PAX5: variants seen among roughly 807,000 people sequenced by gnomAD.
PAX5 encodes the protein paired box protein Pax-5.
A neutral mutation model predicts 43.7 loss-of-function variants in PAX5; 9 were observed. The ratio of observed to expected loss-of-function variants is 0.21; its 90% CI spans 0.12 to 0.36. The LOEUF is 0.36. Among genes scored for constraint, PAX5 ranks in the 10% least tolerant of loss-of-function variants. The pLI, the probability that PAX5 is intolerant of heterozygous loss-of-function variation, is 1.00. For synonymous variants in PAX5, 228 were observed against 214.3 expected (o/e 1.06, Z -0.56); for missense variants, 383 against 532.7 (o/e 0.72, Z 2.77).
At chr9:36,917,214 T>C (rs1829795034) in intron 7 of PAX5, among the ~76,000 whole-genome samples, 1 of 152,200 alleles carries the variant, frequency 6.6e-6, no homozygotes. Flanking sequence ...GACTTCCTGC[T>C]TGGGCCTAAC....
At chr9:36,968,878 C>A (rs958033535) in intron 5 of PAX5, among the ~76,000 whole-genome samples, 12 of 152,302 alleles carry the variant, frequency 7.9e-5, no homozygotes, top group African/African-American at 2.9e-4. Flanking sequence ...TCAGCACCCA[C>A]CAAATGATCC....
At chr9:37,027,776 A>C (rs571014702) in intron 1 of PAX5, among the ~76,000 whole-genome samples, 70 of 152,342 alleles carry the variant, frequency 4.6e-4, no homozygotes, top group African/African-American at 1.6e-3. Context: ...ACGCTCCACC[A>C]AGCCAATCAG....
At chr9:36,895,436 G>A (rs896770346) in intron 7 of PAX5, among the ~76,000 whole-genome samples, 8 of 152,164 alleles carry the variant, frequency 5.3e-5, no homozygotes, top group East Asian at 3.8e-4. Flanking sequence ...TCAGCCTAGC[G>A]GTGAAGGGCA....
chr9:36,992,101 G>A (rs991709700), intron 5 of PAX5, among the ~76,000 whole-genome samples: 8 of 151,334 alleles, frequency 5.3e-5, no homozygotes, highest in Non-Finnish European at 8.8e-5. Context: ...AAACACATGC[G>A]GGCACACACA....
chr9:37,008,595 T>G (rs772430213), intron 3 of PAX5, among the ~76,000 whole-genome samples: 2 of 152,234 alleles, frequency 1.3e-5, no homozygotes, highest in Non-Finnish European at 2.9e-5. Flanking sequence ...GTCCGTGTCC[T>G]CAGCTGATAG....
At chr9:36,988,128 G>A (rs2132312434) in intron 5 of PAX5, among the ~76,000 whole-genome samples, 1 of 152,252 alleles carries the variant, frequency 6.6e-6, no homozygotes, top group East Asian at 1.9e-4. Flanking sequence ...GGCTCCGGAA[G>A]GGCAGGACCT....
Position 36,838,596 on chromosome 9 carries a change from T to A in PAX5, c.*1964A>T, listed in dbSNP as rs570693619. ...GGGCCTCAGTTTCCCACAAGGGAAG[T>A]TGGGCTAGGTCTTTTTCCAGGCTCT... On this transcript the variant is annotated 3_prime_UTR_variant, in exon 10 of 10. Coordinates refer to ENST00000358127, the MANE Select transcript of PAX5 (RefSeq NM_016734.3). The A allele has an allele frequency of 1.3e-5, 3 of 233,218 alleles. No individual in the cohort carries two copies. In the East Asian group the frequency reaches 1.8e-4, roughly 14 times the overall value. 14.4% of individuals were successfully genotyped at this position (233,218 alleles called of 1,614,324 possible).
At chr9:36,949,610 C>T (rs1832835663) in intron 6 of PAX5, among the ~76,000 whole-genome samples, 1 of 152,168 alleles carries the variant, frequency 6.6e-6, no homozygotes, top group African/African-American at 2.4e-5. Context: ...TCAAAACTAA[C>T]GTAACAGGTT....
chr9:36,857,396 G>A (rs574225460), intron 8 of PAX5, among the ~76,000 whole-genome samples: 5 of 152,312 alleles, frequency 3.3e-5, no homozygotes, highest in African/African-American at 1.2e-4. Context: ...AGAGCTCAGA[G>A]CTAGGCCCCC....
chr9:36,872,915 C>T (rs1366916768), intron 8 of PAX5, among the ~76,000 whole-genome samples: 1 of 152,188 alleles, frequency 6.6e-6, no homozygotes, highest in African/African-American at 2.4e-5. Context: ...GACCCTTCTT[C>T]CCTAGATCCA....
chr9:37,020,027 T>C, intron 2 of PAX5, among the ~76,000 whole-genome samples: 1 of 151,904 alleles, frequency 6.6e-6, no homozygotes, highest in East Asian at 1.9e-4. Context: ...TCATTGTTAG[T>C]ATTTTGTTTG....
Position 36,839,785 on chromosome 9 carries a change from C to G in PAX5, c.*775G>C, listed in dbSNP as rs1217252323. 2 of 233,306 alleles carry G rather than the reference C, an allele frequency of 8.6e-6. No homozygotes were observed. Among genetic ancestry groups the G allele is most frequent in the Non-Finnish European group, 1.7e-5 (2 of 118,168 alleles). 14.5% of individuals were successfully genotyped at this position (233,306 alleles called of 1,614,324 possible). The stretch of plus-strand genomic sequence containing the variant: ...AAAAGTAGCTGAGGAATCTCCCAGA[C>G]AGTTTTCTTTGAGTTCTTTGATCTG... On this transcript the variant is annotated 3_prime_UTR_variant, in exon 10 of 10. Coordinates refer to ENST00000358127, the MANE Select transcript of PAX5 (RefSeq NM_016734.3).
intron 7 of PAX5, among the ~76,000 whole-genome samples, chr9:36,903,134 C>T (rs34918035): frequency 0.17 from 26,335 of 152,202 alleles, 2,375 homozygotes; most frequent in African/African-American, 0.19. Flanking sequence ...GGGGACTTCA[C>T]GACTTGTTCC....
intron 8 of PAX5, among the ~76,000 whole-genome samples, chr9:36,877,401 G>A (rs939804083): frequency 6.6e-6 from 1 of 152,132 alleles, no homozygotes; most frequent in Non-Finnish European, 1.5e-5. Flanking sequence ...TTCTAAAGCC[G>A]ACAGTGGGGA....
At chr9:36,943,247 G>A (rs191551879) in intron 6 of PAX5, among the ~76,000 whole-genome samples, 142 of 152,290 alleles carry the variant, frequency 9.3e-4, no homozygotes, top group South Asian at 3.9e-3. Context: ...AGGCCAAGGG[G>A]GAGCCCAGGC....
chr9:36,883,780 CA>C (rs145459993), intron 7 of PAX5, among the ~76,000 whole-genome samples: 9 of 149,796 alleles, frequency 6.0e-5, no homozygotes, highest in East Asian at 2.0e-4. Flanking sequence ...TATCAAGATT[CA>C]AAAAAAAAGC....
chr9:36,892,734 G>A (rs1263826318), intron 7 of PAX5, among the ~76,000 whole-genome samples: 1 of 152,222 alleles, frequency 6.6e-6, no homozygotes, highest in African/African-American at 2.4e-5. Flanking sequence ...TTATTGCTGG[G>A]ATAAATAAAT....
At position 36,835,633 on chromosome 9, in the gene PAX5, A is replaced by G. The variant is rs905313514; in HGVS notation, c.*4927T>C. ...TCGTGGCCTGACTGTCCAACTTTCCAATAATGCATTTTATTACCTTTTAAG... is the reference window on the plus strand; with the variant it reads ...TCGTGGCCTGACTGTCCAACTTTCCGATAATGCATTTTATTACCTTTTAAG... On this transcript the variant is annotated 3_prime_UTR_variant, in exon 10 of 10. Transcript: ENST00000358127. The G allele has an allele frequency of 2.1e-5, 5 of 233,124 alleles. No individual in the cohort carries two copies. Among genetic ancestry groups the G allele is most frequent in the Non-Finnish European group, 3.4e-5 (4 of 118,010 alleles). 14.4% of individuals were successfully genotyped at this position (233,124 alleles called of 1,614,324 possible).
Position 36,839,429 on chromosome 9 carries a change from C to G in PAX5, c.*1131G>C, listed in dbSNP as rs543900716. 4.3e-6 allele frequency: 1 copy of G among 233,498 alleles called. No individual in the cohort carries two copies. Among genetic ancestry groups the G allele is most frequent in the Non-Finnish European group, 8.5e-6 (1 of 118,296 alleles). 14.5% of individuals were successfully genotyped at this position (233,498 alleles called of 1,614,324 possible). A position where few individuals can be genotyped will look rare whatever the true frequency, so the allele number is the denominator to read the frequency against. On this transcript the variant is annotated 3_prime_UTR_variant, in exon 10 of 10. Transcript: ENST00000358127. Reference sequence around the variant, plus strand: ...CCACGAGGACGGGGAGGGTCTGCCCCGAGAGGATGCTCAGAAGTTCTGGCT... The same window carrying G: ...CCACGAGGACGGGGAGGGTCTGCCCGGAGAGGATGCTCAGAAGTTCTGGCT...
Sources: gnomAD v4.1 joint callset for allele counts (sites outside exome capture counted in the v4.1 genomes callset) on GRCh38, gnomAD v4.1.1 for gene constraint, MANE v1.5 for transcripts, NCBI Gene and HGNC (gene_info 2026-07-23, HGNC 2026-07-21) for gene names.